The following PARVB variants were observed in gnomAD, a reference collection of about 807,000 sequenced individuals.
The protein encoded by PARVB is parvin beta.
In PARVB, 46 loss-of-function variants were observed where a neutral mutation model predicts 47.0. The observed-to-expected ratio is 0.98, with a 90% confidence interval of 0.77 to 1.25. The LOEUF (loss-of-function observed/expected upper bound fraction) is 1.25, where lower values mean the gene tolerates loss of function less well. PARVB is among the 50% of genes most tolerant of loss of function. PARVB has a pLI of 0.00. For missense variants in PARVB, 473 were observed against 471.6 expected, an observed-to-expected ratio of 1.00 and a Z score of -0.03; for synonymous variants, 196 against 196.3, an observed-to-expected ratio of 1.00 and a Z score of 0.01.
intron 10 of PARVB, among the ~76,000 whole-genome samples, chr22:44,157,459 A>G (rs916423871): frequency 6.6e-6 from 1 of 152,208 alleles, no homozygotes; most frequent in African/African-American, 2.4e-5. Context: ...CCCATGTGTT[A>G]GAGCCCCCTC....
intron 1 of PARVB, among the ~76,000 whole-genome samples, chr22:44,044,929 A>G (rs1422024751): frequency 6.6e-6 from 1 of 152,204 alleles, no homozygotes; most frequent in East Asian, 1.9e-4. Flanking sequence ...AAGCACACTG[A>G]CGTTTGCTAC....
intron 1 of PARVB, among the ~76,000 whole-genome samples, chr22:44,026,980 C>T (rs1022212836): frequency 3.3e-5 from 5 of 150,094 alleles, no homozygotes; most frequent in East Asian, 2.0e-4. Flanking sequence ...AATGTGGGGC[C>T]CTGGGGTTTG....
At chr22:44,005,360 G>C (rs1483573895) in intron 2 of PARVB, among the ~76,000 whole-genome samples, 2 of 148,646 alleles carry the variant, frequency 1.3e-5, no homozygotes, top group Non-Finnish European at 3.0e-5. Flanking sequence ...CAGTCCTCCT[G>C]CCTTGAACTC....
chr22:44,127,199 GA>G (rs2053204807), intron 4 of PARVB, among the ~76,000 whole-genome samples: 1 of 152,000 alleles, frequency 6.6e-6, no homozygotes, highest in South Asian at 2.1e-4. Flanking sequence ...AAGCACTTGA[GA>G]AGGCAATTCT....
chr22:44,155,422 G>A lies in PARVB; in HGVS notation c.844-2560G>A, dbSNP rs1182230791. ...GTGGAGGGTCACCCGCTCGCAGCTG[G>A]GCCCCCCAGCCCTGCCCTCTCCTTG... On this transcript the variant is annotated intron_variant, in intron 10 of 12. Coordinates refer to ENST00000338758, the MANE Select transcript of PARVB (RefSeq NM_013327.5). This position sits in a 1 kb window ranked among gnomAD's most constrained non-coding sequence, Gnocchi z 4.8. 2.0e-5 allele frequency among the ~76,000 whole-genome samples: 3 copies of A among 152,190 alleles called. No homozygotes were observed. Among genetic ancestry groups the A allele is most frequent in the Non-Finnish European group, 4.4e-5 (3 of 68,032 alleles).
At chr22:44,055,059 T>C (rs2051281035) in intron 1 of PARVB, among the ~76,000 whole-genome samples, 1 of 144,906 alleles carries the variant, frequency 6.9e-6, no homozygotes, top group Non-Finnish European at 1.5e-5. Context: ...TGTACCTTAC[T>C]ACAATTGAAA....
intron 1 of PARVB, among the ~76,000 whole-genome samples, chr22:44,052,524 G>A (rs1247332172): frequency 2.6e-5 from 4 of 152,206 alleles, no homozygotes; most frequent in Non-Finnish European, 5.9e-5. Context: ...AAGATCCAGA[G>A]AATATTTCAG....
chr22:44,038,334 T>G (rs1325780843), intron 1 of PARVB, among the ~76,000 whole-genome samples: 1 of 152,242 alleles, frequency 6.6e-6, no homozygotes, highest in Non-Finnish European at 1.5e-5. Context: ...CCAGACTGCA[T>G]GGGCTTGAAC....
At chr22:44,053,508 G>A (rs1332753920) in intron 1 of PARVB, among the ~76,000 whole-genome samples, 1 of 152,180 alleles carries the variant, frequency 6.6e-6, no homozygotes, top group African/African-American at 2.4e-5. Flanking sequence ...GGGATGCCTG[G>A]GAAAGCCCAG....
At chr22:44,064,310 A>G (rs1486002273) in intron 1 of PARVB, among the ~76,000 whole-genome samples, 1 of 152,162 alleles carries the variant, frequency 6.6e-6, no homozygotes, top group African/African-American at 2.4e-5. Flanking sequence ...TTTTGTGGAG[A>G]CGAATAACAC....
At chr22:44,098,575 G>A (rs1389793784) in intron 2 of PARVB, among the ~76,000 whole-genome samples, 2 of 152,140 alleles carry the variant, frequency 1.3e-5, no homozygotes, top group Non-Finnish European at 2.9e-5. Flanking sequence ...AGGCCACATG[G>A]AGGACGCCGG....
chr22:44,054,582 G>A (rs1316268936), intron 1 of PARVB, among the ~76,000 whole-genome samples: 1 of 151,998 alleles, frequency 6.6e-6, no homozygotes, highest in Non-Finnish European at 1.5e-5. Context: ...GCTGGGCAGG[G>A]AGGGGACAGG....
At chr22:44,154,550 T>G (rs2053879578) in intron 10 of PARVB, among the ~76,000 whole-genome samples, 1 of 149,616 alleles carries the variant, frequency 6.7e-6, no homozygotes, top group Non-Finnish European at 1.5e-5. Context: ...TGTGTGTGTG[T>G]GTGTGTGGTT....
intron 1 of PARVB, among the ~76,000 whole-genome samples, chr22:44,065,842 GGTGTGTGTGTGTGTGCATGTGT>G (rs1307461492): frequency 4.1e-5 from 6 of 144,750 alleles, no homozygotes; most frequent in African/African-American, 1.0e-4. Context: ...AGTATTCCAT[GGTGTGTGTGTGTGTGCATGTGT>G]GTGTGTGTGT....
chr22:44,064,308 A>G (rs1409951812), intron 1 of PARVB, among the ~76,000 whole-genome samples: 7 of 152,158 alleles, frequency 4.6e-5, no homozygotes, highest in African/African-American at 1.7e-4. Context: ...TGTTTTGTGG[A>G]GACGAATAAC....
intron 1 of PARVB, chr22:44,086,837 G>A (rs149006311): frequency 1.0e-6 from 1 of 985,330 alleles, no homozygotes; most frequent in East Asian, 1.1e-4. Context: ...ATGGAAGTTG[G>A]AAAATTCATA....
chr22:44,101,693 A>G (rs2052451619), intron 3 of PARVB, among the ~76,000 whole-genome samples: 1 of 151,582 alleles, frequency 6.6e-6, no homozygotes, highest in Non-Finnish European at 1.5e-5. Context: ...TGTTGCGTTG[A>G]GCCGAGATCT....
chr22:44,083,058 G>A (rs886191179), intron 1 of PARVB, among the ~76,000 whole-genome samples: 32 of 152,084 alleles, frequency 2.1e-4, no homozygotes, highest in Admixed American at 1.3e-4. Flanking sequence ...CCCTAATTGC[G>A]GAGCGGACTC....
intron 4 of PARVB, among the ~76,000 whole-genome samples, chr22:44,128,161 T>TC (rs1451793883): frequency 6.6e-6 from 1 of 152,158 alleles, no homozygotes. Context: ...GGGGTGTAGC[T>TC]CCCCTGTGTT....
Sources: allele counts gnomAD v4.1 joint callset (sites outside exome capture counted in the v4.1 genomes callset), GRCh38; gene constraint gnomAD v4.1.1; non-coding constraint Gnocchi (gnomAD v3.1); transcripts MANE v1.5; gene names NCBI Gene and HGNC (gene_info 2026-07-23, HGNC 2026-07-21).